MYO1C: variants seen among roughly 807,000 people sequenced by gnomAD.
MYO1C encodes unconventional myosin-Ic.
MYO1C carries 104 observed loss-of-function variants against 150.8 expected under a neutral mutation model. The observed-to-expected ratio is 0.69, with a 90% confidence interval of 0.59 to 0.81. The LOEUF (loss-of-function observed/expected upper bound fraction) is 0.81. Ranked by LOEUF, MYO1C falls within the 30% of genes least tolerant of loss-of-function variation. MYO1C has a pLI of 0.00. For missense variants in MYO1C, 1,504 were observed against 1,435.0 expected, an observed-to-expected ratio of 1.05 and a Z score of -0.78; for synonymous variants, 663 against 579.9, an observed-to-expected ratio of 1.14 and a Z score of -2.06.
rs1209484303 is a variant in MYO1C, at chr17:1,485,093, T to G, written c.76-790A>C. 3.2e-6 allele frequency: 4 copies of G among 1,250,216 alleles called. No homozygotes were observed. In the East Asian group the frequency reaches 2.2e-4, roughly 70 times the overall value. 77.4% of individuals were successfully genotyped at this position (1,250,216 alleles called of 1,614,324 possible). ...CAGGCACCTCCTCCACTGAGAGTCC[T>G]GAGAAGCCTCAGGGGATGGGGGCTT... On this transcript the variant is annotated intron_variant, in intron 1 of 31. Coordinates refer to ENST00000648651, the MANE Select transcript of MYO1C (RefSeq NM_001080779.2).
At chr17:1,492,356 G>T in intron 1 of MYO1C, 57 bp downstream of exon 1, 1 of 1,531,076 alleles carries the variant, frequency 6.5e-7, no homozygotes, top group Non-Finnish European at 8.9e-7. Flanking sequence ...GAGAGGGGCT[G>T]CCCGGCCTTG....
chr17:1,483,967 G>A (rs1365436403), intron 2 of MYO1C, among the ~76,000 whole-genome samples, 181 bp downstream of exon 2: 23 of 151,936 alleles, frequency 1.5e-4, no homozygotes, highest in Non-Finnish European at 2.9e-4. Flanking sequence ...GCTTGAACCC[G>A]GGGGGAGGAG....
chr17:1,477,628 TG>T (rs1482022054), intron 13 of MYO1C, 32 bp from the exon 14 acceptor site: 1 of 1,542,696 alleles, frequency 6.5e-7, no homozygotes. Flanking sequence ...GAAGGACGTA[TG>T]GGGGACAGGT....
At chr17:1,491,858 G>A (rs1598352507) in intron 1 of MYO1C, among the ~76,000 whole-genome samples, 1 of 151,836 alleles carries the variant, frequency 6.6e-6, no homozygotes, top group Non-Finnish European at 1.5e-5. Context: ...GCGCCCCTCC[G>A]GCCGAAGACC....
Position 1,479,561 on chromosome 17 carries a change from C to CAA in MYO1C, c.1020+30_1020+31insTT. 7.4e-7 allele frequency: 1 copy of CAA among 1,351,858 alleles called. No homozygotes were observed. Among genetic ancestry groups the CAA allele is most frequent in the Non-Finnish European group, 1.0e-6 (1 of 952,786 alleles). The allele number at this position is 1,351,858 out of a possible 1,614,324, so 83.7% of individuals were successfully genotyped here. A position where few individuals can be genotyped will look rare whatever the true frequency, so the allele number is the denominator to read the frequency against. On this transcript the variant is annotated intron_variant, in intron 8 of 31. Transcript: ENST00000648651. This position sits in a 1 kb window ranked among gnomAD's most constrained non-coding sequence, Gnocchi z 4.2. ...CACCCCCAGCCCCCGCCCCCGCCGT[C>CAA]CTCCCGTCGCCCTCTGCCCGCCCCA...
intron 1 of MYO1C, among the ~76,000 whole-genome samples, chr17:1,490,665 G>A (rs77599018): frequency 5.3e-5 from 8 of 152,174 alleles, no homozygotes; most frequent in African/African-American, 1.9e-4. Context: ...TAGAGTGAAG[G>A]TTTAGGACAC....
intron 14 of MYO1C, chr17:1,477,140 T>C (rs35967504): frequency 0.073 from 17,771 of 244,768 alleles, 904 homozygotes; most frequent in Admixed American, 0.15. Context: ...CACCTGGCCT[T>C]CTTTCTCTTT....
chr17:1,468,351 G>A (rs758147473), intron 26 of MYO1C, 43 bp from the exon 27 acceptor site: 2 of 1,613,856 alleles, frequency 1.2e-6, no homozygotes, highest in South Asian at 1.1e-5. Flanking sequence ...GGAGGCAATG[G>A]GGGACCAGGA....
Position 1,467,554 on chromosome 17 carries a change from G to C in MYO1C, c.2991C>G (p.Asp997Glu). ...KQKGDVVLQS[D>E]HVIETLTKTA... Reference sequence around the variant, plus strand: ...TCTTGGTCAGCGTCTCAATCACGTGGTCACTCTGCAGCACCACATCTCCCT... The same window carrying C: ...TCTTGGTCAGCGTCTCAATCACGTGCTCACTCTGCAGCACCACATCTCCCT... Residue 997 changes from aspartate (D) to glutamate (E), a missense_variant, in exon 30 of 32, where the codon GAC becomes GAG. Coordinates refer to ENST00000648651, the MANE Select transcript of MYO1C (RefSeq NM_001080779.2). 1 of 1,613,466 alleles carries C rather than the reference G, an allele frequency of 6.2e-7. No individual in the cohort carries two copies. The highest frequency in any genetic ancestry group is 8.5e-7 in the Non-Finnish European group (1 of 1,179,936).
In MYO1C at chr17:1,477,896, T is replaced by C; in HGVS notation, c.1477A>G (p.Ile493Val). ...VEEKFKGIIS[I>V]LDEECLRPGE... ...TGGAGGCGCAGAGGACTCACCAAAA[T>C]CGAGATGATGCCCTTAAACTTCTCC... The change falls in exon 13 of 32, where the codon ATT becomes GTT. Residue 493 changes from isoleucine to valine, a missense_variant. Ile to Val is a conservative substitution (Grantham distance 29). Transcript: ENST00000648651. The C allele has an allele frequency of 6.2e-7, 1 of 1,613,932 alleles. No homozygotes were observed. The highest frequency in any genetic ancestry group is 1.7e-4 in the Middle Eastern group (1 of 6,038).
At chr17:1,485,393 C>T (rs2074631379) in intron 1 of MYO1C, 9 of 263,850 alleles carry the variant, frequency 3.4e-5, no homozygotes, top group Non-Finnish European at 5.0e-5. Flanking sequence ...TTGTCCTCAC[C>T]GCCCCGCTCC....
intron 20 of MYO1C, 23 bp from the exon 21 acceptor site, chr17:1,471,170 C>A: frequency 1.2e-6 from 2 of 1,613,924 alleles, no homozygotes; most frequent in Admixed American, 3.3e-5. Context: ...TAGTGATCAG[C>A]CCGGGGTTGC....
chr17:1,480,647 G>GT lies in MYO1C; in HGVS notation c.808-23dup, dbSNP rs776856141. 217 of 1,613,996 alleles carry GT rather than the reference G, an allele frequency of 1.3e-4. 5 individuals are homozygous for GT. The South Asian group carries it at 2.2e-3, about 17-fold the overall frequency. ...GGCCCTGGAGGAAGGGCACAGCTGG[G>GT]TTGCCAGCCCTGGCACCAGATCCCT... On this transcript the variant is annotated intron_variant, in intron 6 of 31. Coordinates refer to ENST00000648651, the MANE Select transcript of MYO1C (RefSeq NM_001080779.2).
chr17:1,483,157 T>A (rs1598344170), intron 3 of MYO1C, 98 bp from the exon 4 acceptor site: 1 of 1,211,300 alleles, frequency 8.3e-7, no homozygotes, highest in South Asian at 1.4e-5. Context: ...CTTGTGGGAG[T>A]CGAATACACC....
Position 1,477,505 on chromosome 17 carries a change from G to A in MYO1C, c.1574C>T (p.Thr525Met), listed in dbSNP as rs769630282. The change falls in exon 14 of 32, where the codon ACG (threonine) becomes ATG (methionine). Residue 525 changes from threonine (T) to methionine (M), a missense_variant and splice_region_variant. Transcript: ENST00000648651. Reference protein sequence around the residue: ...DTVKHHPHFLTHKLADQRTRK... With the variant: ...DTVKHHPHFLMHKLADQRTRK... ...CCAGCAGCCCCGCAGCCCCACTCAC[G>A]TCAGGAAGTGTGGATGGTGCTTGAC... is the stretch of plus-strand genomic sequence containing the variant. 4 of 1,613,528 alleles carry A rather than the reference G, an allele frequency of 2.5e-6. No homozygotes were observed. The highest frequency in any genetic ancestry group is 2.2e-5 in the East Asian group (1 of 44,886).
Position 1,472,247 on chromosome 17 carries a change from T to C in MYO1C, c.1798-19A>G, listed in dbSNP as rs750766888. On this transcript the variant is annotated intron_variant, in intron 17 of 31. Transcript: ENST00000648651. ...TGGCGACCTGGCGAGCCAAGAGGCA[T>C]GGGAGGTTGGCCGGAGCTGGGCTAA... 2 of 1,611,282 alleles carry C rather than the reference T, an allele frequency of 1.2e-6. No individual in the cohort carries two copies. Among genetic ancestry groups the C allele is most frequent in the South Asian group, 1.1e-5 (1 of 91,022 alleles).
intron 14 of MYO1C, among the ~76,000 whole-genome samples, chr17:1,476,201 C>A (rs1186395411): frequency 6.8e-6 from 1 of 147,984 alleles, no homozygotes; most frequent in Non-Finnish European, 1.5e-5. Context: ...TTTTTTGAGA[C>A]GGAGTCTCAC....
chr17:1,491,736 C>G (rs2074737628), intron 1 of MYO1C: 1 of 775,782 alleles, frequency 1.3e-6, no homozygotes, highest in Non-Finnish European at 1.6e-6. Flanking sequence ...CGGGCAGGGC[C>G]GCGCACCCTC....
At chr17:1,477,794 C>T (rs2074429984) in intron 13 of MYO1C, 97 bp downstream of exon 13, 7 of 1,256,170 alleles carry the variant, frequency 5.6e-6, no homozygotes, top group Admixed American at 1.7e-5. Flanking sequence ...CAGCCCCAAA[C>T]TCTGGCCCTC....
Sources: allele counts gnomAD v4.1 joint callset (sites outside exome capture counted in the v4.1 genomes callset), GRCh38; gene constraint gnomAD v4.1.1; non-coding constraint Gnocchi (gnomAD v3.1); transcripts MANE v1.5; gene names NCBI Gene and HGNC (gene_info 2026-07-23, HGNC 2026-07-21).